RGS5: variants seen among roughly 807,000 people sequenced by gnomAD.
RGS5 encodes regulator of G-protein signalling 5.
In RGS5, 20 loss-of-function variants were observed where a neutral mutation model predicts 18.9. That is an observed-to-expected ratio of 1.06 (90% CI 0.74 to 1.54). RGS5 has a LOEUF of 1.54. RGS5 is among the 40% of genes most tolerant of loss of function. The pLI is 0.00. For synonymous variants in RGS5, 57 were observed against 76.2 expected (o/e 0.75, Z 1.31); for missense variants, 201 against 211.8 (o/e 0.95, Z 0.32).
At chr1:163,295,474 C>G (rs1001955290) in intron 2 of RGS5, among the ~76,000 whole-genome samples, 2 of 152,064 alleles carry the variant, frequency 1.3e-5, no homozygotes, top group African/African-American at 4.8e-5. Flanking sequence ...AAGTTTATAC[C>G]CTTAAAATAA....
intron 2 of RGS5, among the ~76,000 whole-genome samples, chr1:163,290,087 A>C: frequency 6.6e-6 from 1 of 152,302 alleles, no homozygotes; most frequent in East Asian, 1.9e-4. Context: ...TGGGATAGCC[A>C]GCTTCTTTGT....
At chr1:163,213,437 C>T (rs74401905) in intron 1 of RGS5, among the ~76,000 whole-genome samples, 1,721 of 152,210 alleles carry the variant, frequency 0.011, 30 homozygotes, top group African/African-American at 0.038. Context: ...CATTTTGTCC[C>T]CCTCCTCTCC....
intron 2 of RGS5, among the ~76,000 whole-genome samples, chr1:163,302,522 T>G (rs572598554): frequency 1.3e-5 from 2 of 152,350 alleles, no homozygotes; most frequent in Admixed American, 1.3e-4. Flanking sequence ...GCTACTGGTA[T>G]GCATTGTCAC....
chr1:163,307,528 G>A (rs1338196787), intron 1 of RGS5, among the ~76,000 whole-genome samples: 1 of 152,044 alleles, frequency 6.6e-6, no homozygotes, highest in African/African-American at 2.4e-5. Flanking sequence ...GTCCCATGCC[G>A]GTTAAGGATG....
intron 1 of RGS5, among the ~76,000 whole-genome samples, chr1:163,176,802 T>C (rs557844237): frequency 2.0e-5 from 3 of 152,342 alleles, no homozygotes; most frequent in Admixed American, 1.3e-4. Context: ...ATTGAGTTTA[T>C]GTTTAAATTG....
At chr1:163,152,413 A>G (rs2102383252) in intron 4 of RGS5, 137 bp downstream of exon 4, 1 of 841,286 alleles carries the variant, frequency 1.2e-6, no homozygotes, top group Non-Finnish European at 1.8e-6. Flanking sequence ...TTTGTACTCA[A>G]TAGGTGCTTA....
intron 2 of RGS5, among the ~76,000 whole-genome samples, chr1:163,228,470 C>T (rs1051792044): frequency 1.3e-5 from 2 of 152,134 alleles, no homozygotes; most frequent in African/African-American, 4.8e-5. Flanking sequence ...CAAGGCTGCA[C>T]ACAGCAAGGG....
At chr1:163,246,303 C>T (rs1250859104) in intron 2 of RGS5, among the ~76,000 whole-genome samples, 2 of 138,922 alleles carry the variant, frequency 1.4e-5, no homozygotes, top group East Asian at 2.3e-4. Flanking sequence ...AGGCGTGGTG[C>T]CTCACGCCTG....
chr1:163,194,076 T>G (rs1473632466), intron 1 of RGS5, among the ~76,000 whole-genome samples: 1 of 152,172 alleles, frequency 6.6e-6, no homozygotes, highest in East Asian at 1.9e-4. Flanking sequence ...ACTGTTAGAT[T>G]CAGATTCTAA....
At chr1:163,231,087 C>T (rs1046188849) in intron 2 of RGS5, among the ~76,000 whole-genome samples, 4 of 152,196 alleles carry the variant, frequency 2.6e-5, no homozygotes, top group Non-Finnish European at 5.9e-5. Context: ...GTGAGAGAAA[C>T]TGCATGCATG....
intron 4 of RGS5, among the ~76,000 whole-genome samples, chr1:163,147,918 C>CTTTTTTTTTTTTT (rs534448527): frequency 4.2e-4 from 33 of 78,074 alleles, no homozygotes; most frequent in Non-Finnish European, 5.3e-4. Context: ...TTTTCTTTTT[C>CTTTTTTTTTTTTT]TTTTTTTTTT....
chr1:163,164,304 G>A (rs1412370944), intron 2 of RGS5, among the ~76,000 whole-genome samples: 2 of 152,226 alleles, frequency 1.3e-5, no homozygotes, highest in Non-Finnish European at 2.9e-5. Context: ...GACCACAGAG[G>A]ATGGGTATGG....
chr1:163,220,067 A>C (rs771450569), upstream of RGS5, among the ~76,000 whole-genome samples: 1 of 152,194 alleles, frequency 6.6e-6, no homozygotes, highest in Non-Finnish European at 1.5e-5. Context: ...ATTCTAATCA[A>C]CACTAGATAC....
At chr1:163,317,336 T>C (rs1236263439) in intron 1 of RGS5, among the ~76,000 whole-genome samples, 1 of 152,218 alleles carries the variant, frequency 6.6e-6, no homozygotes, top group Non-Finnish European at 1.5e-5. Context: ...GGGTAGTCCC[T>C]GTCTTCACCA....
At chr1:163,307,327 G>A (rs1649730542) in intron 1 of RGS5, among the ~76,000 whole-genome samples, 1 of 152,046 alleles carries the variant, frequency 6.6e-6, no homozygotes, top group East Asian at 1.9e-4. Flanking sequence ...ATAAATCTAG[G>A]GGTCTACATT....
At chr1:163,241,405 C>T (rs983434748) in intron 2 of RGS5, among the ~76,000 whole-genome samples, 6 of 152,152 alleles carry the variant, frequency 3.9e-5, no homozygotes, top group African/African-American at 1.4e-4. Flanking sequence ...GCTCTAAACT[C>T]TTGTTATGTA....
chr1:163,222,320 G>C (rs997696161), upstream of RGS5, among the ~76,000 whole-genome samples: 2 of 152,088 alleles, frequency 1.3e-5, no homozygotes, highest in African/African-American at 4.8e-5. Flanking sequence ...AATCTAGGTT[G>C]CACACTCCTT....
intron 1 of RGS5, among the ~76,000 whole-genome samples, chr1:163,182,027 G>A (rs1452916035): frequency 6.6e-6 from 1 of 152,034 alleles, no homozygotes; most frequent in Non-Finnish European, 1.5e-5. Flanking sequence ...CATGGAACTT[G>A]GTGTATAGTA....
chr1:163,227,792 G>T (rs1462954895), intron 2 of RGS5, among the ~76,000 whole-genome samples: 25 of 152,132 alleles, frequency 1.6e-4, no homozygotes. Flanking sequence ...ACAGGCATTG[G>T]GTAAATGTTC....
Sources: allele counts gnomAD v4.1 joint callset (sites outside exome capture counted in the v4.1 genomes callset), GRCh38; gene constraint gnomAD v4.1.1; transcripts MANE v1.5; gene names NCBI Gene and HGNC (gene_info 2026-07-23, HGNC 2026-07-21).